The following TMEM117 variants were observed in gnomAD, a reference collection of about 807,000 sequenced individuals.
TMEM117 encodes the protein transmembrane protein 117.
In TMEM117, 27 loss-of-function variants were observed where a neutral mutation model predicts 52.4. The ratio of observed to expected loss-of-function variants is 0.51; its 90% CI spans 0.38 to 0.71. The LOEUF (loss-of-function observed/expected upper bound fraction) is 0.71. Among genes scored for constraint, TMEM117 ranks in the 30% least tolerant of loss-of-function variants. The pLI is 0.00. For missense variants in TMEM117, 556 were observed against 630.5 expected, an observed-to-expected ratio of 0.88 and a Z score of 1.26; for synonymous variants, 215 against 206.3, an observed-to-expected ratio of 1.04 and a Z score of -0.36.
chr12:43,815,963 T>C, the TMEM117 span, among the ~76,000 whole-genome samples: 9 of 152,252 alleles, frequency 5.9e-5, no homozygotes, highest in Non-Finnish European at 1.2e-4. Flanking sequence ...TTTTTTGCGT[T>C]AAATTTTGGA....
chr12:43,951,394 T>C (rs1346325301), intron 3 of TMEM117, among the ~76,000 whole-genome samples: 2 of 152,178 alleles, frequency 1.3e-5, no homozygotes, highest in South Asian at 2.1e-4. Context: ...AACCACTGGC[T>C]TGAAATCCCC....
intron 2 of TMEM117, among the ~76,000 whole-genome samples, chr12:43,884,081 A>G (rs1943945873): frequency 6.6e-6 from 1 of 151,158 alleles, no homozygotes; most frequent in Non-Finnish European, 1.5e-5. Flanking sequence ...GGCTGCAGTG[A>G]GCCATGATCA....
At chr12:44,289,225 TTGTGTGTGTGTGTG>T (rs59507806) in intron 5 of TMEM117, among the ~76,000 whole-genome samples, 18 of 146,088 alleles carry the variant, frequency 1.2e-4, no homozygotes, top group Middle Eastern at 3.5e-3. Context: ...CTATCCCATT[TTGTGTGTGTGTGTG>T]TGTGTGTGTG....
intron 6 of TMEM117, among the ~76,000 whole-genome samples, chr12:44,350,398 C>T (rs986902600): frequency 6.6e-6 from 1 of 151,906 alleles, no homozygotes. Context: ...TAAACACAAT[C>T]CAACTATATT....
intron 2 of TMEM117, among the ~76,000 whole-genome samples, chr12:43,939,663 T>C (rs907376762): frequency 2.0e-4 from 30 of 152,158 alleles, no homozygotes; most frequent in African/African-American, 7.2e-4. Flanking sequence ...TCTACTCAGG[T>C]CATTGTGCAC....
At chr12:43,934,767 T>C (rs914092563) in intron 2 of TMEM117, among the ~76,000 whole-genome samples, 1 of 152,198 alleles carries the variant, frequency 6.6e-6, no homozygotes, top group African/African-American at 2.4e-5. Context: ...ATCTGCTCAA[T>C]GTTTTTAAAT....
intron 3 of TMEM117, among the ~76,000 whole-genome samples, chr12:43,984,078 TA>T (rs1204812298): frequency 6.6e-6 from 1 of 152,050 alleles, no homozygotes; most frequent in Non-Finnish European, 1.5e-5. Context: ...GGATTAAAAG[TA>T]TATCATGGCT....
intron 3 of TMEM117, among the ~76,000 whole-genome samples, chr12:43,966,286 C>T (rs1945484257): frequency 6.6e-6 from 1 of 152,036 alleles, no homozygotes; most frequent in Admixed American, 6.6e-5. Context: ...TTCCTCTGTT[C>T]CACTCTTTAA....
the TMEM117 span, among the ~76,000 whole-genome samples, chr12:43,827,131 T>C: frequency 6.6e-6 from 1 of 151,794 alleles, no homozygotes; most frequent in Non-Finnish European, 1.5e-5. Flanking sequence ...AGGAGGTCAC[T>C]TAATTATTCT....
intron 5 of TMEM117, among the ~76,000 whole-genome samples, chr12:44,214,768 A>G (rs1949694307): frequency 6.6e-6 from 1 of 152,184 alleles, no homozygotes; most frequent in South Asian, 2.1e-4. Context: ...TTTCCATTTT[A>G]TCCATTTCTA....
At chr12:44,313,918 G>T (rs1440854194) in intron 6 of TMEM117, among the ~76,000 whole-genome samples, 2 of 152,046 alleles carry the variant, frequency 1.3e-5, no homozygotes, top group Non-Finnish European at 2.9e-5. Flanking sequence ...CCTCTTTGGT[G>T]TATAGAAATG....
chr12:43,904,534 A>G (rs1156419018), intron 2 of TMEM117, among the ~76,000 whole-genome samples: 2 of 152,100 alleles, frequency 1.3e-5, no homozygotes, highest in Admixed American at 1.3e-4. Context: ...CTCTTTTGGA[A>G]CAAGAATTCT....
chr12:44,345,308 A>G (rs944021833), intron 6 of TMEM117, among the ~76,000 whole-genome samples: 4 of 151,954 alleles, frequency 2.6e-5, no homozygotes, highest in Admixed American at 2.6e-4. Flanking sequence ...ACCAGCTCCT[A>G]TTTCTTCAGG....
At chr12:43,824,827 G>A in the TMEM117 span, among the ~76,000 whole-genome samples, 3 of 152,212 alleles carry the variant, frequency 2.0e-5, no homozygotes, top group Non-Finnish European at 4.4e-5. Flanking sequence ...TACTGGGGAG[G>A]CTGAGGCAGA....
At chr12:44,144,169 A>G (rs1446697621) in intron 4 of TMEM117, among the ~76,000 whole-genome samples, 1 of 152,058 alleles carries the variant, frequency 6.6e-6, no homozygotes, top group Non-Finnish European at 1.5e-5. Flanking sequence ...TCTCTTTTGT[A>G]TTTTCTTACT....
chr12:44,239,717 G>C (rs137946828), intron 5 of TMEM117, among the ~76,000 whole-genome samples: 1,747 of 152,140 alleles, frequency 0.011, 22 homozygotes, highest in South Asian at 0.052. Flanking sequence ...AATGGTACCA[G>C]TATGACAATT....
chr12:44,168,445 G>C (rs1427181004), intron 4 of TMEM117, among the ~76,000 whole-genome samples: 1 of 151,964 alleles, frequency 6.6e-6, no homozygotes. Flanking sequence ...ATTATTTTAT[G>C]ACAGCATAAT....
intron 3 of TMEM117, among the ~76,000 whole-genome samples, chr12:44,048,192 G>A (rs746618223): frequency 6.6e-6 from 1 of 151,988 alleles, no homozygotes; most frequent in Non-Finnish European, 1.5e-5. Flanking sequence ...AGATTTTGTA[G>A]TGATGTCCCT....
chr12:43,958,226 A>G (rs761442172), intron 3 of TMEM117, among the ~76,000 whole-genome samples: 1 of 152,202 alleles, frequency 6.6e-6, no homozygotes, highest in Non-Finnish European at 1.5e-5. Context: ...TTATTTTCAT[A>G]TTATAATGAT....
Sources: allele counts gnomAD v4.1 joint callset (sites outside exome capture counted in the v4.1 genomes callset), GRCh38; gene constraint gnomAD v4.1.1; transcripts MANE v1.5; gene names NCBI Gene and HGNC (gene_info 2026-07-23, HGNC 2026-07-21).